The following RANGAP1 variants were observed in gnomAD, a reference collection of about 807,000 sequenced individuals.
The protein encoded by RANGAP1 is ran GTPase-activating protein 1.
In RANGAP1, 38 loss-of-function variants were observed where a neutral mutation model predicts 63.5. The observed-to-expected ratio is 0.60, with a 90% confidence interval of 0.46 to 0.78. RANGAP1 has a LOEUF of 0.78. Ranked by LOEUF, RANGAP1 falls within the 30% of genes least tolerant of loss-of-function variation. RANGAP1 has a pLI of 0.00. For synonymous variants in RANGAP1, 329 were observed against 310.5 expected (o/e 1.06, Z -0.63); for missense variants, 630 against 740.3 (o/e 0.85, Z 1.73).
Position 41,246,414 on chromosome 22 carries a change from G to T in RANGAP1, c.*189C>A. The T allele has an allele frequency of 1.7e-6, 1 of 595,018 alleles. No homozygotes were observed. Among genetic ancestry groups the T allele is most frequent in the Non-Finnish European group, 2.9e-6 (1 of 342,146 alleles). 36.9% of individuals were successfully genotyped at this position (595,018 alleles called of 1,614,324 possible). A position where few individuals can be genotyped will look rare whatever the true frequency, so the allele number is the denominator to read the frequency against. Reference sequence around the variant, plus strand: ...GACGTTAAAACCCAAATCCCGACAGGAGGCACAGACCTGCACATGCGCCAC... The same window carrying T: ...GACGTTAAAACCCAAATCCCGACAGTAGGCACAGACCTGCACATGCGCCAC... On this transcript the variant is annotated 3_prime_UTR_variant, in exon 16 of 16. Coordinates refer to ENST00000356244, the MANE Select transcript of RANGAP1 (RefSeq NM_002883.4).
chr22:41,270,780 T>A (rs2034764364), intron 3 of RANGAP1, among the ~76,000 whole-genome samples: 1 of 152,128 alleles, frequency 6.6e-6, no homozygotes, highest in Non-Finnish European at 1.5e-5. Flanking sequence ...ACCTGGGGCC[T>A]CAGCTGTCTG....
At chr22:41,297,029 G>A in the RANGAP1 span, among the ~76,000 whole-genome samples, 178 of 152,266 alleles carry the variant, frequency 1.2e-3, no homozygotes, top group African/African-American at 4.2e-3. Flanking sequence ...TGGTAAATAC[G>A]GTGAAAACCG....
chr22:41,300,231 GTTCATTA>G, the RANGAP1 span, among the ~76,000 whole-genome samples: 2 of 151,822 alleles, frequency 1.3e-5, no homozygotes, highest in Non-Finnish European at 2.9e-5. Flanking sequence ...AAGAATATGT[GTTCATTA>G]TTTCACCAGC....
intron 4 of RANGAP1, 135 bp downstream of exon 4, chr22:41,267,962 C>G: frequency 2.2e-6 from 2 of 913,088 alleles, no homozygotes; most frequent in East Asian, 5.4e-5. Context: ...CTGGACTTGC[C>G]GGGCTTCCAT....
At chr22:41,279,853 T>A (rs1368594493) in intron 2 of RANGAP1, among the ~76,000 whole-genome samples, 1 of 149,866 alleles carries the variant, frequency 6.7e-6, no homozygotes, top group Non-Finnish European at 1.5e-5. Flanking sequence ...ATCCGAACAC[T>A]TTGGGAGGCC....
rs371696576 is a variant in RANGAP1, at chr22:41,252,893, G to A, written c.1359C>T (p.Ser453=). 1.3e-4 allele frequency: 207 copies of A among 1,575,130 alleles called. No individual in the cohort carries two copies. The highest frequency in any genetic ancestry group is 7.9e-4 in the Admixed American group (43 of 54,344). The change falls in exon 12 of 16, where the codon AGC becomes AGT. Residue 453 remains serine (S), a synonymous_variant. Transcript: ENST00000356244. ...PEKLLRLGPK[S]SVLIAQQTDT... ...TTACCTGCTGGGCTATCAGCACGGA[G>A]CTCTTGGGCCCTAGGCGCAGCAGCT...
chr22:41,299,163 C>T, the RANGAP1 span, among the ~76,000 whole-genome samples: 158 of 151,406 alleles, frequency 1.0e-3, no homozygotes, highest in African/African-American at 3.8e-3. Flanking sequence ...GATGGAGTCT[C>T]GCTCTGTCGC....
Position 41,258,101 on chromosome 22 carries a change from G to C in RANGAP1, c.621C>G (p.Ile207Met). The C allele has an allele frequency of 6.2e-7, 1 of 1,604,652 alleles. No homozygotes were observed. Among genetic ancestry groups the C allele is most frequent in the Non-Finnish European group, 8.5e-7 (1 of 1,174,226 alleles). ...ATALAEAFRV[I>M]GTLEEVHMPQ... ...GCATGTGGACCTCCTCCAGGGTCCCGATGACCTGTGAAGAGGAGGCAGAGA... is the reference window on the plus strand; with the variant it reads ...GCATGTGGACCTCCTCCAGGGTCCCCATGACCTGTGAAGAGGAGGCAGAGA... The change falls in exon 7 of 16, where the codon ATC (isoleucine) becomes ATG (methionine). Residue 207 changes from isoleucine (I) to methionine (M), a missense_variant. Coordinates refer to ENST00000356244, the MANE Select transcript of RANGAP1 (RefSeq NM_002883.4).
chr22:41,296,240 G>A, the RANGAP1 span, among the ~76,000 whole-genome samples: 1 of 151,612 alleles, frequency 6.6e-6, no homozygotes, highest in Non-Finnish European at 1.5e-5. Context: ...CAAAAGTCCA[G>A]GAAAAACAAA....
rs566525470 is a variant in RANGAP1, at chr22:41,285,563, G to A, written c.-39+423C>T. 207 of 985,488 alleles carry A rather than the reference G, an allele frequency of 2.1e-4. 1 individual carries two copies. The African/African-American group carries it at 3.3e-3, about 16-fold the overall frequency. 61.0% of individuals were successfully genotyped at this position (985,488 alleles called of 1,614,324 possible). On this transcript the variant is annotated intron_variant, in intron 1 of 15. Transcript: ENST00000356244. ...ACTCACATCGATTCCAGGGACAGCG[G>A]CGCCAGCCCGGGGCCCCCGCGGGCG... is the stretch of plus-strand genomic sequence containing the variant.
chr22:41,265,363 A>G (rs1305710603), intron 4 of RANGAP1, among the ~76,000 whole-genome samples: 1 of 152,200 alleles, frequency 6.6e-6, no homozygotes, highest in African/African-American at 2.4e-5. Context: ...TAATATCCCC[A>G]GACCTGAGGT....
At chr22:41,260,579 G>A (rs2034108077) in intron 6 of RANGAP1, among the ~76,000 whole-genome samples, 1 of 152,232 alleles carries the variant, frequency 6.6e-6, no homozygotes, top group Non-Finnish European at 1.5e-5. Context: ...CGGACGTGGT[G>A]GCTCACGCCT....
At chr22:41,291,855 C>T in the RANGAP1 span, among the ~76,000 whole-genome samples, 16 of 151,468 alleles carry the variant, frequency 1.1e-4, no homozygotes, top group South Asian at 2.1e-4. Context: ...GAGCCGAGAT[C>T]GCGCCACTGC....
intron 1 of RANGAP1, among the ~76,000 whole-genome samples, chr22:41,284,732 T>C (rs1031527742): frequency 6.6e-6 from 1 of 151,780 alleles, no homozygotes; most frequent in Non-Finnish European, 1.5e-5. Flanking sequence ...ACTAGCTGGG[T>C]GTGGTGGCAG....
Position 41,255,818 on chromosome 22 carries a change from G to A in RANGAP1, c.1073+203C>T, listed in dbSNP as rs141838902. ...GAAACAAATAAAGGGGCCAGGTGTG[G>A]TGGTGGGTGCCTGTAATCCCAGCTA... On this transcript the variant is annotated intron_variant, in intron 10 of 15. Coordinates refer to ENST00000356244, the MANE Select transcript of RANGAP1 (RefSeq NM_002883.4). Among the ~76,000 whole-genome samples the A allele has an allele frequency of 1.1e-4, 16 of 152,190 alleles. No individual in the cohort carries two copies. In the East Asian group the frequency reaches 3.1e-3, roughly 29 times the overall value.
rs977989480 is a variant in RANGAP1, at chr22:41,263,992, A to T, written c.480+672T>A. Among the ~76,000 whole-genome samples, 6 of 152,362 alleles carry T rather than the reference A, an allele frequency of 3.9e-5. No homozygotes were observed. The South Asian group carries it at 6.2e-4, about 16-fold the overall frequency. ...GAAAAGTTAAGGTATTGCATATTCA[A>T]ATAAGATATCCCCAACTGCTGTTAC... On this transcript the variant is annotated intron_variant, in intron 5 of 15. Transcript: ENST00000356244.
upstream of RANGAP1, among the ~76,000 whole-genome samples, chr22:41,288,985 C>T (rs532693401): frequency 4.9e-4 from 67 of 135,838 alleles, no homozygotes; most frequent in Non-Finnish European, 8.0e-4. Flanking sequence ...TGCAGTGGTG[C>T]GATCTCAGCT....
At position 41,246,422 on chromosome 22, in the gene RANGAP1, G is replaced by C; in HGVS notation, c.*181C>G. The C allele has an allele frequency of 1.6e-6, 1 of 626,028 alleles. No homozygotes were observed. The highest frequency in any genetic ancestry group is 2.9e-5 in the East Asian group (1 of 34,286). 38.8% of individuals were successfully genotyped at this position (626,028 alleles called of 1,614,324 possible). On this transcript the variant is annotated 3_prime_UTR_variant, in exon 16 of 16. Coordinates refer to ENST00000356244, the MANE Select transcript of RANGAP1 (RefSeq NM_002883.4). ...AACCCAAATCCCGACAGGAGGCACA[G>C]ACCTGCACATGCGCCACACCCACAC...
At chr22:41,253,911 C>T (rs952854903) in intron 11 of RANGAP1, among the ~76,000 whole-genome samples, 9 of 151,994 alleles carry the variant, frequency 5.9e-5, no homozygotes, top group Non-Finnish European at 1.3e-4. Context: ...AGTTCAAGAC[C>T]AGCCTGGCCA....
Sources: allele counts gnomAD v4.1 joint callset (sites outside exome capture counted in the v4.1 genomes callset), GRCh38; gene constraint gnomAD v4.1.1; transcripts MANE v1.5; gene names NCBI Gene and HGNC (gene_info 2026-07-23, HGNC 2026-07-21).